CTDP1: variants seen among roughly 807,000 people sequenced by gnomAD.
CTDP1 encodes the protein CTD phosphatase 1, also known as RNA polymerase II subunit A C-terminal domain phosphatase.
A neutral mutation model predicts 91.8 loss-of-function variants in CTDP1; 47 were observed. The observed-to-expected ratio is 0.51, with a 90% CI of 0.41 to 0.65. The LOEUF is 0.65. CTDP1 is among the 30% of genes least tolerant of loss of function. CTDP1 has a pLI of 0.00. For missense variants in CTDP1, 1,272 were observed against 1,373.7 expected (o/e 0.93, Z 1.17); for synonymous variants, 656 against 598.5 (o/e 1.10, Z -1.40).
chr18:79,717,291 G>A (rs570659372), intron 8 of CTDP1, among the ~76,000 whole-genome samples: 1 of 149,082 alleles, frequency 6.7e-6, no homozygotes, highest in South Asian at 2.1e-4. Context: ...CTGGAGAGGT[G>A]CAGCCGAGTG....
At chr18:79,737,567 C>T (rs978552684) in intron 12 of CTDP1, among the ~76,000 whole-genome samples, 5 of 152,108 alleles carry the variant, frequency 3.3e-5, no homozygotes, top group Non-Finnish European at 7.4e-5. Context: ...TGCTTTGAGA[C>T]ATCTTTTCTC....
At chr18:79,739,308 C>G (rs958733068) in intron 12 of CTDP1, among the ~76,000 whole-genome samples, 5 of 152,224 alleles carry the variant, frequency 3.3e-5, no homozygotes, top group Non-Finnish European at 7.3e-5. Flanking sequence ...CGTGTCTCCC[C>G]CTGTGGGCAA....
intron 10 of CTDP1, 78 bp from the exon 11 acceptor site, chr18:79,728,829 G>A: frequency 6.8e-7 from 1 of 1,461,278 alleles, no homozygotes; most frequent in Non-Finnish European, 9.3e-7. Context: ...TAGTCCGAGA[G>A]CCAGGAGTCT....
intron 12 of CTDP1, among the ~76,000 whole-genome samples, chr18:79,743,345 G>A (rs1405777928): frequency 6.6e-6 from 1 of 152,054 alleles, no homozygotes; most frequent in Non-Finnish European, 1.5e-5. Context: ...GGGCAACATG[G>A]TGAAACCCCA....
At chr18:79,718,437 C>T (rs546855913) in intron 10 of CTDP1, among the ~76,000 whole-genome samples, 4 of 152,328 alleles carry the variant, frequency 2.6e-5, no homozygotes, top group South Asian at 2.1e-4. Context: ...CTGCCCTCTT[C>T]GTTTCCACAC....
At chr18:79,719,206 C>A (rs938868525) in intron 10 of CTDP1, among the ~76,000 whole-genome samples, 1 of 152,196 alleles carries the variant, frequency 6.6e-6, no homozygotes, top group African/African-American at 2.4e-5. Flanking sequence ...TGTGTTTTGT[C>A]TTTTACGATT....
In CTDP1 at chr18:79,697,950, CACA is replaced by C. The variant is rs2085781571; in HGVS notation, c.584_586del (p.His195_Thr196delinsPro). ...GGTGGACTTGGACCAGACGTTGATT[CACA>C]CAACCGAGCAGCACTGTCAGCAGAT... On this transcript the variant is annotated inframe_deletion, in exon 4 of 13. Coordinates refer to ENST00000613122, the MANE Select transcript of CTDP1 (RefSeq NM_004715.5). 1 of 1,614,106 alleles carries C rather than the reference CACA, an allele frequency of 6.2e-7. No individual in the cohort carries two copies. The highest frequency in any genetic ancestry group is 8.5e-7 in the Non-Finnish European group (1 of 1,180,048).
At chr18:79,738,254 C>T (rs553778075) in intron 12 of CTDP1, among the ~76,000 whole-genome samples, 9 of 152,348 alleles carry the variant, frequency 5.9e-5, no homozygotes, top group Non-Finnish European at 1.2e-4. Flanking sequence ...CGAGGCCGTC[C>T]GAGGTAACCT....
intron 12 of CTDP1, among the ~76,000 whole-genome samples, chr18:79,737,043 C>G (rs528380015): frequency 6.6e-6 from 1 of 152,214 alleles, no homozygotes; most frequent in East Asian, 1.9e-4. Flanking sequence ...GTGGGTCCCC[C>G]GCCGGTGACA....
At chr18:79,709,776 G>A (rs993834265) in intron 5 of CTDP1, among the ~76,000 whole-genome samples, 2 of 152,124 alleles carry the variant, frequency 1.3e-5, no homozygotes, top group South Asian at 2.1e-4. Context: ...AGAAATAACC[G>A]GCCTTTCTGT....
intron 11 of CTDP1, among the ~76,000 whole-genome samples, chr18:79,729,465 C>T (rs1405053798): frequency 6.6e-6 from 1 of 152,226 alleles, no homozygotes; most frequent in East Asian, 1.9e-4. Context: ...CCCTGCCTGA[C>T]GCCGACCGGC....
intron 11 of CTDP1, among the ~76,000 whole-genome samples, chr18:79,734,318 C>G (rs540000641): frequency 6.6e-5 from 10 of 152,348 alleles, no homozygotes; most frequent in African/African-American, 2.4e-4. Context: ...GCGCAGTCAC[C>G]TTTTTTGTAA....
rs148398584 is a variant in CTDP1 at position 79,707,926 on chromosome 18, C to T, written c.773-2420C>T. On this transcript the variant is annotated intron_variant, in intron 5 of 12. Coordinates refer to ENST00000613122, the MANE Select transcript of CTDP1 (RefSeq NM_004715.5). Reference sequence around the variant, plus strand: ...CTAGGACAGAGATGTTAAGAGTTTGCGATGCGTGTCTTTTATCTGATAGTA... The same window carrying T: ...CTAGGACAGAGATGTTAAGAGTTTGTGATGCGTGTCTTTTATCTGATAGTA... 2.7e-4 allele frequency among the ~76,000 whole-genome samples: 41 copies of T among 152,292 alleles called. 1 individual carries two copies. Among genetic ancestry groups the T allele is most frequent in the Non-Finnish European group, 5.0e-4 (34 of 68,026 alleles).
At chr18:79,704,494 T>A (rs113786741) in intron 4 of CTDP1, among the ~76,000 whole-genome samples, 1 of 148,894 alleles carries the variant, frequency 6.7e-6, no homozygotes, top group Non-Finnish European at 1.5e-5. Context: ...GTGTACATGC[T>A]CACATGTGTC....
At chr18:79,699,436 A>T (rs1240471656) in intron 4 of CTDP1, among the ~76,000 whole-genome samples, 1 of 151,296 alleles carries the variant, frequency 6.6e-6, no homozygotes, top group East Asian at 1.9e-4. Context: ...AATTTTTTGT[A>T]TTTTTTTTAG....
intron 11 of CTDP1, among the ~76,000 whole-genome samples, chr18:79,732,658 C>A (rs1227271357): frequency 1.3e-5 from 2 of 150,344 alleles, no homozygotes; most frequent in African/African-American, 2.5e-5. Flanking sequence ...CGTAAGAACT[C>A]ACTGTCATCA....
At chr18:79,678,704 G>A (rs548756422), upstream of CTDP1, 2 of 152,116 alleles carry the variant, frequency 1.3e-5, no homozygotes, top group African/African-American at 4.8e-5. Context: ...ATTTATATAC[G>A]TAAGGACAAA....
intron 1 of CTDP1, among the ~76,000 whole-genome samples, chr18:79,681,995 C>T (rs935457687): frequency 6.6e-6 from 1 of 152,024 alleles, no homozygotes; most frequent in Non-Finnish European, 1.5e-5. Flanking sequence ...GTGCAGTGGG[C>T]GTGGGTGCCA....
At chr18:79,754,844 A>T (rs2087071567), downstream of CTDP1, 1 of 152,304 alleles carries the variant, frequency 6.6e-6, no homozygotes, top group South Asian at 2.1e-4. Context: ...CCCGGCCAGC[A>T]GCCTCGGCTC....
Sources: allele counts gnomAD v4.1 joint callset (sites outside exome capture counted in the v4.1 genomes callset), GRCh38; gene constraint gnomAD v4.1.1; transcripts MANE v1.5; gene names NCBI Gene and HGNC (gene_info 2026-07-23, HGNC 2026-07-21).